Variants in DNAI3 observed in about 807,000 individuals in gnomAD.
The protein encoded by DNAI3 is WD repeat domain 63.
DNAI3 carries 83 observed loss-of-function variants against 115.5 expected under a neutral mutation model. That is an observed-to-expected ratio of 0.72 (90% CI 0.60 to 0.86). DNAI3 has a LOEUF of 0.86. DNAI3 is among the 40% of genes least tolerant of loss of function. The probability of loss-of-function intolerance (pLI) is 0.00; values close to 1 mark genes in which losing one functional copy is unlikely to be tolerated. For missense variants in DNAI3, 1,004 were observed against 1,075.8 expected, an observed-to-expected ratio of 0.93 and a Z score of 0.93; for synonymous variants, 320 against 347.0, an observed-to-expected ratio of 0.92 and a Z score of 0.86.
Position 85,121,847 on chromosome 1 carries a change from A to G in DNAI3, c.1981+33A>G, listed in dbSNP as rs41289043. On this transcript the variant is annotated intron_variant, in intron 18 of 22. Transcript: ENST00000294664. ...TTGTGATTGCCCTGTTATTAATAAG[A>G]TGTTCCTTTTAATTTAAACTACCCA... The G allele has an allele frequency of 1.0e-3, 1,632 of 1,608,982 alleles. No homozygotes were observed. Among genetic ancestry groups the G allele is most frequent in the Non-Finnish European group, 1.3e-3 (1,470 of 1,175,406 alleles).
intron 1 of DNAI3, among the ~76,000 whole-genome samples, chr1:85,064,665 C>T (rs779611451): frequency 3.3e-5 from 5 of 152,078 alleles, no homozygotes; most frequent in Non-Finnish European, 7.4e-5. Flanking sequence ...TTTGGGAGGC[C>T]GAGGCAGGAG....
chr1:85,073,705 T>TA (rs1325736525), intron 3 of DNAI3, among the ~76,000 whole-genome samples: 1 of 152,194 alleles, frequency 6.6e-6, no homozygotes, highest in African/African-American at 2.4e-5. Context: ...TTTTGTCTTT[T>TA]AATCGTATGG....
At position 85,117,719 on chromosome 1, in the gene DNAI3, C is replaced by G. The variant is rs186788973; in HGVS notation, c.1787-10C>G. On this transcript the variant is annotated splice_polypyrimidine_tract_variant and intron_variant, in intron 16 of 22. Coordinates refer to ENST00000294664, the MANE Select transcript of DNAI3 (RefSeq NM_145172.5). Reference sequence around the variant, plus strand: ...AATATGTACTTCTTCTACCCACACTCCTCTGAAAGACAAAATGTTAGCACA... The same window carrying G: ...AATATGTACTTCTTCTACCCACACTGCTCTGAAAGACAAAATGTTAGCACA... The G allele has an allele frequency of 6.2e-7, 1 of 1,612,628 alleles. No homozygotes were observed. Among genetic ancestry groups the G allele is most frequent in the African/African-American group, 1.3e-5 (1 of 75,012 alleles).
At chr1:85,116,772 C>G (rs1355336279) in intron 16 of DNAI3, among the ~76,000 whole-genome samples, 4 of 152,010 alleles carry the variant, frequency 2.6e-5, no homozygotes, top group Non-Finnish European at 4.4e-5. Context: ...ATTTAAAGAT[C>G]TAGTTCGATG....
chr1:85,105,528 C>CAAAAAAAAA (rs755945527), intron 14 of DNAI3, among the ~76,000 whole-genome samples: 3 of 51,652 alleles, frequency 5.8e-5, no homozygotes, highest in African/African-American at 9.2e-5. Context: ...AACTCTGTCT[C>CAAAAAAAAA]AAAAAAAAAA....
intron 3 of DNAI3, 114 bp downstream of exon 3, chr1:85,073,206 TA>T (rs774344676): frequency 3.8e-4 from 254 of 672,238 alleles, no homozygotes; most frequent in Non-Finnish European, 5.6e-4. Flanking sequence ...GTACATGGGC[TA>T]AAATTATACC....
At chr1:85,118,986 G>A (rs541905346) in intron 17 of DNAI3, among the ~76,000 whole-genome samples, 91 of 152,236 alleles carry the variant, frequency 6.0e-4, no homozygotes, top group African/African-American at 1.5e-3. Context: ...TGTCTAGAAT[G>A]CCTGGTTGGA....
intron 13 of DNAI3, among the ~76,000 whole-genome samples, chr1:85,099,114 A>G (rs1252571229): frequency 6.6e-6 from 1 of 152,184 alleles, no homozygotes; most frequent in African/African-American, 2.4e-5. Context: ...GCAGTCTGTG[A>G]GCCCAGCTGA....
chr1:85,074,552 CTA>C, intron 3 of DNAI3, among the ~76,000 whole-genome samples: 1 of 152,344 alleles, frequency 6.6e-6, no homozygotes, highest in Admixed American at 6.5e-5. Context: ...TCATTGAGAT[CTA>C]GACTACCATC....
At chr1:85,108,301 C>A in intron 15 of DNAI3, 124 bp downstream of exon 15, 1 of 1,078,934 alleles carries the variant, frequency 9.3e-7, no homozygotes, top group Non-Finnish European at 1.2e-6. Flanking sequence ...CAAGACTGTA[C>A]AATTTGTGTT....
intron 3 of DNAI3, among the ~76,000 whole-genome samples, chr1:85,075,005 T>C (rs1350979264): frequency 6.6e-6 from 1 of 152,222 alleles, no homozygotes; most frequent in Non-Finnish European, 1.5e-5. Context: ...CATCCTGTTT[T>C]CTCCCAGATA....
At chr1:85,132,404 C>T (rs958019043) in intron 22 of DNAI3, among the ~76,000 whole-genome samples, 1 of 152,214 alleles carries the variant, frequency 6.6e-6, no homozygotes, top group African/African-American at 2.4e-5. Flanking sequence ...ATAATAATCA[C>T]TGCTCTAGTT....
At position 85,081,344 on chromosome 1, in the gene DNAI3, G is replaced by A. The variant is rs760779989; in HGVS notation, c.214G>A (p.Glu72Lys). The A allele has an allele frequency of 6.2e-7, 1 of 1,603,602 alleles. No individual in the cohort carries two copies. Among genetic ancestry groups the A allele is most frequent in the South Asian group, 1.1e-5 (1 of 89,178 alleles). Residue 72 changes from glutamate to lysine, a missense_variant, in exon 4 of 23, where the codon GAA becomes AAA. Transcript: ENST00000294664. ...DEQPYKLINK[E>K]DIFEDLRNRA... ...ACAACCTTATAAGCTTATCAATAAA[G>A]AAGACATTTTTGAGGACCTGCGCAA...
rs1656225821 is a variant in DNAI3, at chr1:85,128,759, T to C, written c.2369T>C (p.Leu790Ser). Residue 790 changes from leucine (L) to serine (S), a missense_variant, in exon 21 of 23, where the codon TTA (leucine) becomes TCA (serine). Leu to Ser is a moderately radical substitution (Grantham distance 145). Around this residue, in one of 3 missense-constraint regions of DNAI3, gnomAD observed 429 missense variants for 454.3 expected, o/e 0.94. Coordinates refer to ENST00000294664, the MANE Select transcript of DNAI3 (RefSeq NM_145172.5). ...TADYYGTLHILEIPWTLSRPS... is the reference protein window; with the variant it reads ...TADYYGTLHISEIPWTLSRPS... ...GATTATTATGGAACACTGCATATAT[T>C]AGAAATTCCTTGGACATTAAGTCGC... 12 of 1,613,178 alleles carry C rather than the reference T, an allele frequency of 7.4e-6. No individual in the cohort carries two copies. The highest frequency in any genetic ancestry group is 2.2e-5 in the South Asian group (2 of 90,684).
chr1:85,069,821 A>G (rs1473722633), intron 1 of DNAI3, among the ~76,000 whole-genome samples: 1 of 152,198 alleles, frequency 6.6e-6, no homozygotes, highest in Non-Finnish European at 1.5e-5. Flanking sequence ...GAAAAAAAGG[A>G]ATAGATGAAA....
At chr1:85,082,812 T>C (rs1281418440) in intron 5 of DNAI3, among the ~76,000 whole-genome samples, 1 of 152,174 alleles carries the variant, frequency 6.6e-6, no homozygotes, top group African/African-American at 2.4e-5. Flanking sequence ...GGGGATGAAC[T>C]AAATCAAGTA....
intron 22 of DNAI3, 139 bp from the exon 23 acceptor site, chr1:85,132,716 C>T (rs1656375798): frequency 2.9e-6 from 3 of 1,029,986 alleles, no homozygotes; most frequent in Non-Finnish European, 4.1e-6. Flanking sequence ...CACCTGCCCT[C>T]CTGCCTTCCT....
intron 3 of DNAI3, among the ~76,000 whole-genome samples, chr1:85,075,621 C>G (rs1654428779): frequency 6.6e-6 from 1 of 152,094 alleles, no homozygotes; most frequent in Non-Finnish European, 1.5e-5. Context: ...ACTGAGATCC[C>G]TTTTTCTAAC....
chr1:85,130,692 G>C (rs1311075184), intron 22 of DNAI3, among the ~76,000 whole-genome samples: 1 of 86,140 alleles, frequency 1.2e-5, no homozygotes, highest in Non-Finnish European at 2.4e-5. Flanking sequence ...TAGATAGATA[G>C]ATAGATAGAT....
Sources: allele counts gnomAD v4.1 joint callset (sites outside exome capture counted in the v4.1 genomes callset), GRCh38; gene constraint gnomAD v4.1.1; regional missense constraint gnomAD v4.1.1; transcripts MANE v1.5; gene names NCBI Gene and HGNC (gene_info 2026-07-23, HGNC 2026-07-21).